The following RERG variants were observed in gnomAD, a reference collection of about 807,000 sequenced individuals.
The protein encoded by RERG is ras-related and estrogen-regulated growth inhibitor.
Under a neutral mutation model 23.2 loss-of-function variants are expected in RERG, and 25 were observed. The ratio of observed to expected loss-of-function variants is 1.08; its 90% CI spans 0.79 to 1.50. The LOEUF is 1.50. RERG is among the 40% of genes most tolerant of loss of function. The pLI, the probability that RERG is intolerant of heterozygous loss-of-function variation, is 0.00. For missense variants in RERG, 253 were observed against 250.1 expected (o/e 1.01, Z -0.08); for synonymous variants, 81 against 89.1 (o/e 0.91, Z 0.51).
chr12:15,143,517 A>G (rs956662878), intron 2 of RERG, among the ~76,000 whole-genome samples: 3 of 152,116 alleles, frequency 2.0e-5, no homozygotes, highest in African/African-American at 7.2e-5. Flanking sequence ...ACAAATATTA[A>G]CTAATACCTA....
intron 2 of RERG, among the ~76,000 whole-genome samples, chr12:15,128,655 A>G (rs1204914983): frequency 2.6e-5 from 4 of 152,250 alleles, no homozygotes; most frequent in African/African-American, 7.2e-5. Flanking sequence ...GACTCACTCA[A>G]GTGCCTCACA....
In RERG at chr12:15,156,001, A is replaced by AT. The variant is rs1555124832; in HGVS notation, c.62-34883_62-34882insA. On this transcript the variant is annotated intron_variant, in intron 2 of 4. Coordinates refer to ENST00000256953, the MANE Select transcript of RERG (RefSeq NM_032918.3). ...CCTAAAACTTAAAGTATAATAAAAA[A>AT]ATATATATATATATTTATAAATATT... Among the ~76,000 whole-genome samples the AT allele has an allele frequency of 1.3e-3, 136 of 107,632 alleles. No individual in the cohort carries two copies. In the South Asian group the frequency reaches 0.017, roughly 13 times the overall value. The allele number at this position is 107,632 out of a possible 152,430, so 70.6% of individuals were successfully genotyped here.
intron 2 of RERG, among the ~76,000 whole-genome samples, chr12:15,180,960 G>T (rs1480768357): frequency 6.6e-6 from 1 of 152,224 alleles, no homozygotes; most frequent in African/African-American, 2.4e-5. Flanking sequence ...ATGTACAAAT[G>T]ATTAATAGCA....
intron 2 of RERG, among the ~76,000 whole-genome samples, chr12:15,212,043 T>TTTTTTTTTTTTTTTTTTTTTTTTTG: frequency 1.7e-5 from 1 of 60,554 alleles, no homozygotes; most frequent in Non-Finnish European, 3.1e-5. Flanking sequence ...ACGAATAAAC[T>TTTTTTTTTTTTTTTTTTTTTTTTTG]TTTTTTTTTT....
chr12:15,212,421 T>G (rs991084826), intron 2 of RERG, among the ~76,000 whole-genome samples: 1 of 152,200 alleles, frequency 6.6e-6, no homozygotes. Context: ...TAGGGCAGAT[T>G]GTTTTTATGT....
chr12:15,144,697 A>T (rs981570912), intron 2 of RERG, among the ~76,000 whole-genome samples: 3 of 152,212 alleles, frequency 2.0e-5, no homozygotes, highest in African/African-American at 7.2e-5. Context: ...GGCAATGCAG[A>T]GAGTCAATCT....
intron 3 of RERG, among the ~76,000 whole-genome samples, chr12:15,118,002 G>A (rs1291857586): frequency 6.6e-6 from 1 of 152,008 alleles, no homozygotes; most frequent in Non-Finnish European, 1.5e-5. Context: ...AGTATAATAA[G>A]GAAAATTAAA....
chr12:15,117,675 G>GTGCGCGCACA (rs1555119494), intron 3 of RERG, among the ~76,000 whole-genome samples: 63 of 145,138 alleles, frequency 4.3e-4, no homozygotes, highest in Middle Eastern at 6.9e-3. Flanking sequence ...TCACACACGC[G>GTGCGCGCACA]CACACACACA....
intron 2 of RERG, among the ~76,000 whole-genome samples, chr12:15,152,841 G>C (rs1864465229): frequency 6.6e-6 from 1 of 152,154 alleles, no homozygotes; most frequent in East Asian, 1.9e-4. Context: ...TGAAAAAAAT[G>C]AATTCTTTCA....
intron 2 of RERG, among the ~76,000 whole-genome samples, chr12:15,184,624 T>G (rs1260515692): frequency 6.6e-6 from 1 of 152,132 alleles, no homozygotes; most frequent in African/African-American, 2.4e-5. Context: ...CACAGTGTGT[T>G]TGAAGTGATG....
chr12:15,176,267 T>C (rs577390098), intron 2 of RERG, among the ~76,000 whole-genome samples: 10 of 152,204 alleles, frequency 6.6e-5, no homozygotes, highest in Non-Finnish European at 1.3e-4. Flanking sequence ...TTGCATATTG[T>C]AGTTCAAAAT....
At chr12:15,144,958 T>C (rs1864305894) in intron 2 of RERG, among the ~76,000 whole-genome samples, 1 of 152,210 alleles carries the variant, frequency 6.6e-6, no homozygotes. Flanking sequence ...GGAGAAGCAT[T>C]TACTTAAGTC....
chr12:15,171,043 T>C (rs949806013), intron 2 of RERG, among the ~76,000 whole-genome samples: 1 of 152,168 alleles, frequency 6.6e-6, no homozygotes, highest in Admixed American at 6.5e-5. Context: ...TTTATCACTG[T>C]AGTAACATGA....
At chr12:15,153,642 C>G (rs1294843783) in intron 2 of RERG, among the ~76,000 whole-genome samples, 2 of 151,942 alleles carry the variant, frequency 1.3e-5, no homozygotes, top group Non-Finnish European at 2.9e-5. Context: ...CTTTTGGCAG[C>G]CTATCATCTA....
At chr12:15,166,750 G>A (rs991847115) in intron 2 of RERG, among the ~76,000 whole-genome samples, 1 of 151,468 alleles carries the variant, frequency 6.6e-6, no homozygotes, top group Non-Finnish European at 1.5e-5. Context: ...CCACTATACT[G>A]CCTGACAAAC....
chr12:15,126,123 T>C, intron 2 of RERG, among the ~76,000 whole-genome samples: 1 of 44,718 alleles, frequency 2.2e-5, no homozygotes, highest in African/African-American at 8.6e-5. Flanking sequence ...GAATGTTGTA[T>C]ATACCATATA....
intron 2 of RERG, among the ~76,000 whole-genome samples, chr12:15,124,647 G>C (rs1225269023): frequency 6.6e-6 from 1 of 151,894 alleles, no homozygotes. Flanking sequence ...AGGTCCCCAG[G>C]CATACAGCTA....
At chr12:15,131,106 A>C (rs2136095485) in intron 2 of RERG, among the ~76,000 whole-genome samples, 1 of 152,286 alleles carries the variant, frequency 6.6e-6, no homozygotes, top group Non-Finnish European at 1.5e-5. Flanking sequence ...TTAATTTTCT[A>C]TAGAAAATTA....
intron 2 of RERG, among the ~76,000 whole-genome samples, chr12:15,195,008 A>T (rs763098627): frequency 6.6e-6 from 1 of 152,148 alleles, no homozygotes; most frequent in African/African-American, 2.4e-5. Flanking sequence ...GTCTATATAC[A>T]TTACCTTCCA....
Sources: gnomAD v4.1 joint callset for allele counts (sites outside exome capture counted in the v4.1 genomes callset) on GRCh38, gnomAD v4.1.1 for gene constraint, MANE v1.5 for transcripts, NCBI Gene and HGNC (gene_info 2026-07-23, HGNC 2026-07-21) for gene names.